The following SORCS2 variants were observed in gnomAD, a reference collection of about 807,000 sequenced individuals.
SORCS2 encodes VPS10 domain-containing receptor SorCS2.
A neutral mutation model predicts 141.6 loss-of-function variants in SORCS2; 100 were observed. The ratio of observed to expected loss-of-function variants is 0.71; its 90% CI spans 0.60 to 0.83. The LOEUF (loss-of-function observed/expected upper bound fraction) is 0.83. Among genes scored for constraint, SORCS2 ranks in the 40% least tolerant of loss-of-function variants. The probability of loss-of-function intolerance (pLI) is 0.00; values close to 1 mark genes in which losing one functional copy is unlikely to be tolerated. For missense variants in SORCS2, 1,646 were observed against 1,560.2 expected, an observed-to-expected ratio of 1.05 and a Z score of -0.93; for synonymous variants, 789 against 676.9, an observed-to-expected ratio of 1.17 and a Z score of -2.57.
chr4:7,308,399 G>A lies in SORCS2; in HGVS notation c.481-87889G>A, dbSNP rs547634290. On this transcript the variant is annotated intron_variant, in intron 1 of 26. Coordinates refer to ENST00000507866, the MANE Select transcript of SORCS2 (RefSeq NM_020777.3). ...CCAGGGGGCAGCTGGGGACTTTTCT[G>A]GCCTGTGTGTTTGGGGTGGGGGTAG... 1.1e-3 allele frequency among the ~76,000 whole-genome samples: 164 copies of A among 152,246 alleles called. 1 individual carries two copies. Among genetic ancestry groups the A allele is most frequent in the Middle Eastern group, 6.8e-3 (2 of 294 alleles).
At position 7,433,153 on chromosome 4, in the gene SORCS2, G is replaced by C. The variant is rs1447946599; in HGVS notation, c.548+36798G>C. On this transcript the variant is annotated intron_variant, in intron 2 of 26. Transcript: ENST00000507866. The stretch of plus-strand genomic sequence containing the variant: ...AAGCTGTGCGGCACCGTTGTTAAGA[G>C]AGAGGCTTTCGGGATCAGGAATACT... The C allele has an allele frequency of 5.7e-6, 4 of 696,530 alleles. No individual in the cohort carries two copies. In the African/African-American group the frequency reaches 7.3e-5, roughly 13 times the overall value. The allele number at this position is 696,530 out of a possible 1,614,324, so 43.1% of individuals were successfully genotyped here.
Position 7,192,757 on chromosome 4 carries a change from G to C in SORCS2, c.111G>C (p.Leu37=). The C allele has an allele frequency of 1.1e-6, 1 of 942,922 alleles. No individual in the cohort carries two copies. The highest frequency in any genetic ancestry group is 1.3e-6 in the Non-Finnish European group (1 of 792,358). 58.4% of individuals were successfully genotyped at this position (942,922 alleles called of 1,614,324 possible). Residue 37 remains leucine, a synonymous_variant, in exon 1 of 27, where the codon CTG becomes CTC. Coordinates refer to ENST00000507866, the MANE Select transcript of SORCS2 (RefSeq NM_020777.3). This position sits in a 1 kb window ranked among gnomAD's most constrained non-coding sequence, Gnocchi z 4.0. ...PPRSPRSRPL[L]LLLLLLGACG... ...GCTCGCCGCGCTCGCGGCCGCTCCT[G>C]CTGCTGCTGCTGCTGCTGGGCGCCT...
chr4:7,653,648 C>T (rs1443932444), intron 4 of SORCS2, among the ~76,000 whole-genome samples: 1 of 152,158 alleles, frequency 6.6e-6, no homozygotes, highest in Non-Finnish European at 1.5e-5. Flanking sequence ...ACTGGTCATA[C>T]GCTGTGAGGC....
chr4:7,351,706 C>T (rs1157354556), intron 1 of SORCS2, among the ~76,000 whole-genome samples: 2 of 136,032 alleles, frequency 1.5e-5, no homozygotes, highest in Admixed American at 1.6e-4. Flanking sequence ...TCCATCCATC[C>T]ATCCTTCTAC....
intron 2 of SORCS2, among the ~76,000 whole-genome samples, chr4:7,400,690 GATGGATGGATGAATGGATGGATGGATGA>G (rs1724518649): frequency 1.3e-5 from 2 of 151,942 alleles, no homozygotes; most frequent in African/African-American, 4.8e-5. Context: ...TGGCTTGACA[GATGGATGGATGAATGGATGGATGGATGA>G]ATGGATGGAT....
chr4:7,332,406 G>C (rs6838006), intron 1 of SORCS2, among the ~76,000 whole-genome samples: 80,472 of 152,044 alleles, frequency 0.53, 21,432 homozygotes, highest in East Asian at 0.56. Context: ...ATAGGAATGT[G>C]GTGGCCCACA....
At chr4:7,388,293 C>T (rs1441253195) in intron 1 of SORCS2, among the ~76,000 whole-genome samples, 2 of 152,178 alleles carry the variant, frequency 1.3e-5, no homozygotes, top group African/African-American at 4.8e-5. Context: ...CAGCCTGAAT[C>T]CCCTCTGGCT....
At chr4:7,654,108 T>A in intron 4 of SORCS2, 26 bp from the exon 5 acceptor site, 1 of 1,556,658 alleles carries the variant, frequency 6.4e-7, no homozygotes, top group Non-Finnish European at 8.7e-7. Context: ...CTGACCAAGC[T>A]TTTGTTTCTT....
chr4:7,639,621 ATGTG>A (rs1333687384), intron 4 of SORCS2, among the ~76,000 whole-genome samples: 7 of 147,930 alleles, frequency 4.7e-5, no homozygotes, highest in South Asian at 2.2e-4. Flanking sequence ...GTGCGTGTGA[ATGTG>A]TGGGTGTGTG....
intron 2 of SORCS2, among the ~76,000 whole-genome samples, chr4:7,415,464 C>G (rs1725604120): frequency 6.6e-6 from 1 of 152,242 alleles, no homozygotes; most frequent in Non-Finnish European, 1.5e-5. Flanking sequence ...ACATTGTTCT[C>G]TGACCACAGC....
At chr4:7,638,291 A>C in intron 3 of SORCS2, 37 bp from the exon 4 acceptor site, 1 of 1,490,000 alleles carries the variant, frequency 6.7e-7, no homozygotes, top group Non-Finnish European at 8.9e-7. Context: ...GGAGAGGGGC[A>C]CCTGGCCCAG....
chr4:7,470,093 T>C (rs998033462), intron 2 of SORCS2, among the ~76,000 whole-genome samples: 1 of 152,118 alleles, frequency 6.6e-6, no homozygotes, highest in African/African-American at 2.4e-5. Context: ...TTCTAATAAA[T>C]GAGGAAAGGG....
chr4:7,448,483 A>G (rs1281069685), intron 2 of SORCS2, among the ~76,000 whole-genome samples: 28 of 30,806 alleles, frequency 9.1e-4, no homozygotes, highest in African/African-American at 1.9e-3. Context: ...TCCTTCTTCC[A>G]TGTCTCCCTT....
At chr4:7,667,345 T>A in intron 8 of SORCS2, 132 bp downstream of exon 8, 1 of 778,430 alleles carries the variant, frequency 1.3e-6, no homozygotes, top group Non-Finnish European at 2.2e-6. Context: ...GTGGCCACGC[T>A]TCGTCCAGCT....
intron 1 of SORCS2, among the ~76,000 whole-genome samples, chr4:7,327,810 C>A (rs3892280): frequency 0.16 from 24,891 of 151,982 alleles, 2,328 homozygotes; most frequent in East Asian, 0.35. Flanking sequence ...ACCGCCCCCC[C>A]CAACCCCGCC....
At chr4:7,540,792 C>T (rs1009781704) in intron 3 of SORCS2, among the ~76,000 whole-genome samples, 1 of 152,196 alleles carries the variant, frequency 6.6e-6, no homozygotes, top group Non-Finnish European at 1.5e-5. Context: ...CCCCCCGCAC[C>T]CCGGGTGTGA....
rs534698258 is a variant in SORCS2 at position 7,465,273 on chromosome 4, C to T, written c.549-66257C>T. Among the ~76,000 whole-genome samples, 382 of 152,326 alleles carry T rather than the reference C, an allele frequency of 2.5e-3. 1 individual carries two copies. The highest frequency in any genetic ancestry group is 8.5e-3 in the African/African-American group (352 of 41,574). On this transcript the variant is annotated intron_variant, in intron 2 of 26. Coordinates refer to ENST00000507866, the MANE Select transcript of SORCS2 (RefSeq NM_020777.3). ...CCAGGGCATGAATATTTAATCTCAG[C>T]GGTTGCCATTTGTCTTTGCACTGTT...
chr4:7,668,350 C>G (rs1394857281), intron 8 of SORCS2, among the ~76,000 whole-genome samples: 1 of 152,190 alleles, frequency 6.6e-6, no homozygotes, highest in Non-Finnish European at 1.5e-5. Flanking sequence ...GGAGGCCCCT[C>G]TGGGGCTGGG....
intron 8 of SORCS2, among the ~76,000 whole-genome samples, chr4:7,674,602 A>C (rs1305745870): frequency 6.9e-6 from 1 of 144,372 alleles, no homozygotes; most frequent in Non-Finnish European, 1.5e-5. Context: ...AAAAAAAAAA[A>C]AAAGCAACCC....
Sources: gnomAD v4.1 joint callset for allele counts (sites outside exome capture counted in the v4.1 genomes callset) on GRCh38, gnomAD v4.1.1 for gene constraint, Gnocchi (gnomAD v3.1) non-coding constraint, MANE v1.5 for transcripts, NCBI Gene and HGNC (gene_info 2026-07-23, HGNC 2026-07-21) for gene names.